Variants in PIWIL2 observed in about 807,000 individuals in gnomAD.
PIWIL2 encodes the protein piwi-like protein 2.
A neutral mutation model predicts 116.5 loss-of-function variants in PIWIL2; 81 were observed. The ratio of observed to expected loss-of-function variants is 0.70; its 90% confidence interval spans 0.58 to 0.84. The LOEUF (loss-of-function observed/expected upper bound fraction) is 0.84. Among genes scored for constraint, PIWIL2 ranks in the 40% least tolerant of loss-of-function variants. The probability of loss-of-function intolerance (pLI) is 0.00; values close to 1 mark genes in which losing one functional copy is unlikely to be tolerated. For missense variants in PIWIL2, 1,272 were observed against 1,212.3 expected (o/e 1.05, Z -0.73); for synonymous variants, 489 against 429.5 (o/e 1.14, Z -1.71).
At chr8:22,305,339 C>T (rs1402133185) in intron 12 of PIWIL2, among the ~76,000 whole-genome samples, 2 of 152,132 alleles carry the variant, frequency 1.3e-5, no homozygotes, top group African/African-American at 2.4e-5. Flanking sequence ...ACTACAGGAG[C>T]CCGCCACCAC....
At chr8:22,346,772 C>T (rs756225118) in intron 20 of PIWIL2, among the ~76,000 whole-genome samples, 1 of 152,084 alleles carries the variant, frequency 6.6e-6, no homozygotes, top group Non-Finnish European at 1.5e-5. Context: ...ATAAGCCAGG[C>T]ATAGTGGTGC....
chr8:22,346,994 A>T (rs76903696), intron 20 of PIWIL2, among the ~76,000 whole-genome samples: 3,984 of 150,668 alleles, frequency 0.026, 172 homozygotes, highest in African/African-American at 0.091. Context: ...GACAACATAG[A>T]CCTCATATGT....
chr8:22,338,192 G>C (rs904135153), intron 20 of PIWIL2, among the ~76,000 whole-genome samples: 23 of 152,290 alleles, frequency 1.5e-4, no homozygotes, highest in African/African-American at 5.1e-4. Flanking sequence ...AGAAGATTGG[G>C]AAGGAGAAAA....
intron 10 of PIWIL2, among the ~76,000 whole-genome samples, chr8:22,291,440 C>G (rs559545453): frequency 1.1e-4 from 17 of 152,192 alleles, no homozygotes; most frequent in Non-Finnish European, 1.8e-4. Context: ...CACAAGCCAC[C>G]GTGCCCAGCC....
intron 10 of PIWIL2, among the ~76,000 whole-genome samples, chr8:22,300,947 T>G (rs938977514): frequency 1.3e-5 from 2 of 151,926 alleles, no homozygotes; most frequent in Non-Finnish European, 2.9e-5. Flanking sequence ...TATGCATATT[T>G]TCTTCCATTT....
At chr8:22,312,463 A>G (rs1831356817) in intron 16 of PIWIL2, among the ~76,000 whole-genome samples, 1 of 151,852 alleles carries the variant, frequency 6.6e-6, no homozygotes, top group Non-Finnish European at 1.5e-5. Flanking sequence ...GTAGGGTTTC[A>G]CTATGTTGCC....
chr8:22,310,168 G>A (rs1484489646), intron 15 of PIWIL2, 94 bp downstream of exon 15: 1 of 678,788 alleles, frequency 1.5e-6, no homozygotes, highest in Non-Finnish European at 2.6e-6. Context: ...CTTTTTTGAG[G>A]GAAAGTACCA....
At chr8:22,326,944 A>G in intron 20 of PIWIL2, among the ~76,000 whole-genome samples, 1 of 151,134 alleles carries the variant, frequency 6.6e-6, no homozygotes, top group East Asian at 1.9e-4. Context: ...GCCAAGCATC[A>G]TTTTACATTC....
chr8:22,290,811 C>T (rs1830744261), intron 10 of PIWIL2, among the ~76,000 whole-genome samples: 1 of 151,734 alleles, frequency 6.6e-6, no homozygotes, highest in Non-Finnish European at 1.5e-5. Context: ...CGTCTCTAGT[C>T]CTCCTGAGAT....
intron 1 of PIWIL2, among the ~76,000 whole-genome samples, chr8:22,278,599 T>A (rs1830430274): frequency 6.6e-6 from 1 of 152,090 alleles, no homozygotes; most frequent in South Asian, 2.1e-4. Context: ...AAAATATAAG[T>A]AAGTTCAAGG....
At chr8:22,298,138 T>C (rs1830956019) in intron 10 of PIWIL2, among the ~76,000 whole-genome samples, 1 of 151,928 alleles carries the variant, frequency 6.6e-6, no homozygotes, top group African/African-American at 2.4e-5. Flanking sequence ...ACATCTGTTA[T>C]CCCAGCTACT....
At chr8:22,340,389 C>T (rs879293106) in intron 20 of PIWIL2, among the ~76,000 whole-genome samples, 3 of 152,108 alleles carry the variant, frequency 2.0e-5, no homozygotes, top group African/African-American at 4.8e-5. Flanking sequence ...GACCATACTA[C>T]GTTAAATAAA....
intron 20 of PIWIL2, among the ~76,000 whole-genome samples, chr8:22,323,818 T>C (rs773364407): frequency 6.6e-6 from 1 of 152,194 alleles, no homozygotes; most frequent in Non-Finnish European, 1.5e-5. Flanking sequence ...ATGTGCCACT[T>C]AGGTTTGCAG....
chr8:22,309,831 C>T (rs1831282236), intron 14 of PIWIL2, 130 bp from the exon 15 acceptor site: 3 of 561,224 alleles, frequency 5.3e-6, no homozygotes, highest in Non-Finnish European at 9.8e-6. Flanking sequence ...TATTATTCTG[C>T]TAGTCTCAAA....
intron 20 of PIWIL2, among the ~76,000 whole-genome samples, chr8:22,351,157 A>T (rs939269020): frequency 6.6e-6 from 1 of 151,684 alleles, no homozygotes; most frequent in Non-Finnish European, 1.5e-5. Context: ...TTTCAAAAAA[A>T]AATAATTAAT....
At position 22,301,589 on chromosome 8, in the gene PIWIL2, C is replaced by T. The variant is rs142100035; in HGVS notation, c.1182-2432C>T. On this transcript the variant is annotated intron_variant, in intron 10 of 22. Coordinates refer to ENST00000356766, the MANE Select transcript of PIWIL2 (RefSeq NM_018068.5). ...GATTACAGGCATGAGCCACCATGCC[C>T]GGCCCAGTGGTCTCTTTTAAGGAGT... Among the ~76,000 whole-genome samples, 616 of 152,314 alleles carry T rather than the reference C, an allele frequency of 4.0e-3. 3 individuals are homozygous for T. The highest frequency in any genetic ancestry group is 0.018 in the East Asian group (91 of 5,190).
At chr8:22,330,098 A>G (rs1335652643) in intron 20 of PIWIL2, among the ~76,000 whole-genome samples, 1 of 152,084 alleles carries the variant, frequency 6.6e-6, no homozygotes, top group Non-Finnish European at 1.5e-5. Context: ...GTTTGTTGGT[A>G]TCTCCCAGGT....
chr8:22,320,460 C>CG (rs1321223436), intron 20 of PIWIL2, among the ~76,000 whole-genome samples: 1 of 150,050 alleles, frequency 6.7e-6, no homozygotes, highest in African/African-American at 2.5e-5. Context: ...TTAGTAGAGA[C>CG]GGGGTTTTGC....
At chr8:22,279,116 A>T (rs1830442304) in intron 1 of PIWIL2, among the ~76,000 whole-genome samples, 1 of 152,180 alleles carries the variant, frequency 6.6e-6, no homozygotes, top group Non-Finnish European at 1.5e-5. Flanking sequence ...CTTCCAGGAA[A>T]CCAGTCTCTG....
Sources: allele counts gnomAD v4.1 joint callset (sites outside exome capture counted in the v4.1 genomes callset), GRCh38; gene constraint gnomAD v4.1.1; transcripts MANE v1.5; gene names NCBI Gene and HGNC (gene_info 2026-07-23, HGNC 2026-07-21).